HMGB1: variants seen among roughly 807,000 people sequenced by gnomAD.
HMGB1 encodes the protein high mobility group box 1.
For missense variants in HMGB1, 79 were observed against 253.5 expected (o/e 0.31, Z 4.67); for synonymous variants, 81 against 84.0 (o/e 0.96, Z 0.19).
intron 1 of HMGB1, among the ~76,000 whole-genome samples, chr13:30,584,061 AAGAGAGAGAG>A (rs369284323): frequency 6.7e-6 from 1 of 149,696 alleles, no homozygotes; most frequent in Non-Finnish European, 1.5e-5. Flanking sequence ...AAAGGAAAAG[AAGAGAGAGAG>A]AGAGAGAGGA....
chr13:30,462,343 T>C (rs2137395908), intron 4 of HMGB1, 195 bp downstream of exon 4: 1 of 661,104 alleles, frequency 1.5e-6, no homozygotes, highest in East Asian at 2.8e-5. Flanking sequence ...ACAGCCTTTG[T>C]CTGAGTCTGA....
At chr13:30,593,229 C>G (rs1390678338) in intron 1 of HMGB1, among the ~76,000 whole-genome samples, 8 of 152,106 alleles carry the variant, frequency 5.3e-5, no homozygotes, top group Admixed American at 3.9e-4. Context: ...TACAGACCAC[C>G]CCCCCGTAGA....
At chr13:30,569,779 T>C (rs1483053808) in intron 1 of HMGB1, among the ~76,000 whole-genome samples, 1 of 152,112 alleles carries the variant, frequency 6.6e-6, no homozygotes, top group Non-Finnish European at 1.5e-5. Flanking sequence ...CAGAAAACTG[T>C]AGAGGTGGGA....
At chr13:30,553,904 G>T (rs1593308584) in intron 1 of HMGB1, 1 of 1,382,500 alleles carries the variant, frequency 7.2e-7, no homozygotes, top group East Asian at 2.3e-5. Flanking sequence ...ACATAGAAGA[G>T]GCACGAAGGA....
Position 30,501,565 on chromosome 13 carries a change from G to A in HMGB1, c.-14-37871C>T, listed in dbSNP as rs565588181. The stretch of plus-strand genomic sequence containing the variant: ...TATATTATTTTATATATTTATAAAT[G>A]CATTAAATAGAAATTAAAAACTTCC... On this transcript the variant is annotated intron_variant, in intron 1 of 4. Coordinates refer to the HMGB1 transcript ENST00000405805. Among the ~76,000 whole-genome samples, 67 of 114,040 alleles carry A rather than the reference G, an allele frequency of 5.9e-4. No homozygotes were observed. The South Asian group carries it at 0.02, about 34-fold the overall frequency. 74.8% of individuals were successfully genotyped at this position (114,040 alleles called of 152,430 possible).
In HMGB1 at chr13:30,481,022, T is replaced by G. The variant is rs934083120; in HGVS notation, c.-14-17328A>C. Among the ~76,000 whole-genome samples the G allele has an allele frequency of 4.0e-4, 61 of 151,774 alleles. 1 individual carries two copies. The highest frequency in any genetic ancestry group is 2.2e-4 in the Non-Finnish European group (15 of 68,006). On this transcript the variant is annotated intron_variant, in intron 1 of 4. Coordinates refer to the HMGB1 transcript ENST00000405805. ...TTAAAGAGGTGTAATATTAGTCTCT[T>G]GAATCTTTTTCCTCTTGTGTGTGTT...
At chr13:30,464,592 G>C (rs1207348101) in intron 1 of HMGB1, 10 of 983,810 alleles carry the variant, frequency 1.0e-5, no homozygotes, top group Non-Finnish European at 1.2e-5. Context: ...CGCCGCCGCC[G>C]CCCCCATTTT....
At chr13:30,566,858 CTAAT>C (rs1446316628) in intron 1 of HMGB1, among the ~76,000 whole-genome samples, 1 of 152,116 alleles carries the variant, frequency 6.6e-6, no homozygotes, top group Non-Finnish European at 1.5e-5. Context: ...AAATAATTGG[CTAAT>C]TAAACATCAC....
At chr13:30,587,058 T>C (rs563960165) in intron 1 of HMGB1, among the ~76,000 whole-genome samples, 1 of 152,334 alleles carries the variant, frequency 6.6e-6, no homozygotes, top group East Asian at 1.9e-4. Context: ...AGGATTATTA[T>C]TTTTTAAACA....
chr13:30,603,933 T>C (rs910505948), intron 1 of HMGB1, among the ~76,000 whole-genome samples: 1 of 152,144 alleles, frequency 6.6e-6, no homozygotes, highest in African/African-American at 2.4e-5. Flanking sequence ...GGATCCACAG[T>C]TGGTTGAATC....
At chr13:30,573,578 A>T (rs550901759) in intron 1 of HMGB1, among the ~76,000 whole-genome samples, 2 of 152,322 alleles carry the variant, frequency 1.3e-5, no homozygotes, top group South Asian at 4.1e-4. Context: ...ATTATTCAAA[A>T]CTTCACATAA....
intron 1 of HMGB1, among the ~76,000 whole-genome samples, chr13:30,578,609 G>T (rs914075136): frequency 5.3e-5 from 8 of 151,902 alleles, no homozygotes; most frequent in African/African-American, 1.9e-4. Flanking sequence ...CGACAGAATG[G>T]TCATCCTAAA....
At chr13:30,541,166 C>T (rs1392707931) in intron 1 of HMGB1, among the ~76,000 whole-genome samples, 4 of 152,140 alleles carry the variant, frequency 2.6e-5, no homozygotes, top group Non-Finnish European at 5.9e-5. Flanking sequence ...CACTTACATG[C>T]CCATGTTTCT....
chr13:30,476,154 A>C (rs1283763562), intron 1 of HMGB1, among the ~76,000 whole-genome samples: 3 of 128,600 alleles, frequency 2.3e-5, no homozygotes, highest in Non-Finnish European at 4.9e-5. Context: ...CACAGGTAGC[A>C]TGTACTCTCT....
At position 30,610,116 on chromosome 13, in the gene HMGB1, A is replaced by C. The variant is rs185781402; in HGVS notation, c.-15+6555T>G. Among the ~76,000 whole-genome samples, 287 of 152,124 alleles carry C rather than the reference A, an allele frequency of 1.9e-3. 3 individuals carry two copies. The highest frequency in any genetic ancestry group is 6.8e-3 in the African/African-American group (281 of 41,448). ...CTTAGTAACTTTTTTTCTCTAACTT[A>C]CTTTATTGTAAGAATACAGTATATA... On this transcript the variant is annotated intron_variant, in intron 1 of 4. Coordinates refer to the HMGB1 transcript ENST00000405805.
At chr13:30,505,197 A>G (rs1887825789) in intron 1 of HMGB1, among the ~76,000 whole-genome samples, 1 of 149,480 alleles carries the variant, frequency 6.7e-6, no homozygotes, top group South Asian at 2.1e-4. Flanking sequence ...TTATTGTTTG[A>G]GACGGAGTCT....
At chr13:30,538,745 CTT>C (rs1356021866) in intron 1 of HMGB1, among the ~76,000 whole-genome samples, 6 of 108,410 alleles carry the variant, frequency 5.5e-5, no homozygotes, top group Admixed American at 2.1e-4. Flanking sequence ...TTTCTTTCTT[CTT>C]TTTCTTTCTT....
At chr13:30,523,111 T>G (rs566518275) in intron 1 of HMGB1, among the ~76,000 whole-genome samples, 2 of 152,348 alleles carry the variant, frequency 1.3e-5, no homozygotes, top group African/African-American at 4.8e-5. Flanking sequence ...TTCTTGTAGT[T>G]ATAACATTGG....
chr13:30,485,836 G>A (rs908333977), intron 1 of HMGB1, among the ~76,000 whole-genome samples: 1 of 152,186 alleles, frequency 6.6e-6, no homozygotes, highest in Non-Finnish European at 1.5e-5. Context: ...AGACTAGTAA[G>A]TAGTAGTTTA....
Sources: allele counts gnomAD v4.1 joint callset (sites outside exome capture counted in the v4.1 genomes callset), GRCh38; gene constraint gnomAD v4.1.1; transcripts MANE v1.5; gene names NCBI Gene and HGNC (gene_info 2026-07-23, HGNC 2026-07-21).